ADPGK: variants seen among roughly 807,000 people sequenced by gnomAD.
ADPGK encodes ADP-dependent glucokinase.
A neutral mutation model predicts 42.4 loss-of-function variants in ADPGK; 26 were observed. That is an observed-to-expected ratio of 0.61 (90% confidence interval 0.45 to 0.85). The LOEUF is 0.85. ADPGK is among the 40% of genes least tolerant of loss of function. The pLI, the probability that ADPGK is intolerant of heterozygous loss-of-function variation, is 0.00. For synonymous variants in ADPGK, 267 were observed against 252.6 expected (o/e 1.06, Z -0.54); for missense variants, 571 against 627.0 (o/e 0.91, Z 0.95).
At position 72,752,525 on chromosome 15, in the gene ADPGK, T is replaced by G; in HGVS notation, c.1310A>C (p.His437Pro). 6.2e-7 allele frequency: 1 copy of G among 1,614,218 alleles called. No individual in the cohort carries two copies. Among genetic ancestry groups the G allele is most frequent in the Non-Finnish European group, 8.5e-7 (1 of 1,180,046 alleles). The change falls in exon 7 of 7, where the codon CAT (histidine) becomes CCT (proline). Residue 437 changes from histidine (H) to proline (P), a missense_variant. Physicochemically the swap from His to Pro is moderately conservative, Grantham distance 77. This residue lies in a region of ADPGK where 434 missense variants were observed against 522.7 expected (regional missense o/e 0.83). Transcript: ENST00000456471. ...LRAPQEFMTS[H>P]SEAGSRIVLN... ...TACAATCCTGGAGCCTGCCTCCGAA[T>G]GGGAAGTCATGAACTCTTGGGGTGC...
At chr15:72,763,561 C>A (rs2066222157) in intron 3 of ADPGK, among the ~76,000 whole-genome samples, 1 of 152,064 alleles carries the variant, frequency 6.6e-6, no homozygotes, top group African/African-American at 2.4e-5. Context: ...GATTATTTTT[C>A]TTATTATTTA....
At chr15:72,783,043 G>A (rs759833851) in intron 1 of ADPGK, 6 of 232,080 alleles carry the variant, frequency 2.6e-5, no homozygotes, top group Non-Finnish European at 3.6e-5. Flanking sequence ...TTTCGAAAGT[G>A]GGTAAAGGCA....
chr15:72,756,158 G>A (rs2066110818), intron 5 of ADPGK, 93 bp downstream of exon 5: 1 of 1,508,604 alleles, frequency 6.6e-7, no homozygotes, highest in Non-Finnish European at 9.2e-7. Flanking sequence ...TGGGAGGCCA[G>A]GACCTAAGAC....
chr15:72,780,713 G>A (rs2151096442), intron 1 of ADPGK, among the ~76,000 whole-genome samples: 1 of 152,304 alleles, frequency 6.6e-6, no homozygotes. Context: ...GACAGGTCAA[G>A]GCCACAGTGA....
Position 72,783,609 on chromosome 15 carries a change from G to C in ADPGK, c.83C>G (p.Pro28Arg). 1 of 1,516,420 alleles carries C rather than the reference G, an allele frequency of 6.6e-7. No homozygotes were observed. The highest frequency in any genetic ancestry group is 8.8e-7 in the Non-Finnish European group (1 of 1,140,206). 93.9% of individuals were successfully genotyped at this position (1,516,420 alleles called of 1,614,324 possible). A position where few individuals can be genotyped will look rare whatever the true frequency, so the allele number is the denominator to read the frequency against. The change falls in exon 1 of 7, where the codon CCA becomes CGA. Residue 28 changes from proline (P) to arginine (R), a missense_variant. Physicochemically the swap from Pro to Arg is moderately radical, Grantham distance 103. Coordinates refer to ENST00000456471, the MANE Select transcript of ADPGK (RefSeq NM_001365225.1). ...CCAGAGAGAGCGCAGCGCCGAGCCT[G>C]GCAGCTCTGGCTCCAGCAGGAAGAC... is the stretch of plus-strand genomic sequence containing the variant. ...GCVFLLEPEL[P>R]GSALRSLWSS...
In ADPGK at chr15:72,774,538, T is replaced by G. The variant is rs551332071; in HGVS notation, c.459+334A>C. Among the ~76,000 whole-genome samples, 6 of 152,282 alleles carry G rather than the reference T, an allele frequency of 3.9e-5. No individual in the cohort carries two copies. In the East Asian group the frequency reaches 1.2e-3, roughly 29 times the overall value. On this transcript the variant is annotated intron_variant, in intron 2 of 6. Coordinates refer to ENST00000456471, the MANE Select transcript of ADPGK (RefSeq NM_001365225.1). Reference sequence around the variant, plus strand: ...GTTCTAACTTCGACAGGTTCTACCTTGCAGACCAGTGGTTCTCAAAAGGAG... The same window carrying G: ...GTTCTAACTTCGACAGGTTCTACCTGGCAGACCAGTGGTTCTCAAAAGGAG...
chr15:72,781,596 TCCTCCCATCAAGGTTTGTTCTATGTCC>T lies in ADPGK; in HGVS notation c.233+1836_233+1862del, dbSNP rs1403989077. ...TCTTTTCACAATGTGACACTGATGC[TCCTCCCATCAAGGTTTGTTCTATGTCC>T]CCTCCCTTAAAACCAGGTGGACCTG... is the stretch of plus-strand genomic sequence containing the variant. On this transcript the variant is annotated intron_variant, in intron 1 of 6. Coordinates refer to ENST00000456471, the MANE Select transcript of ADPGK (RefSeq NM_001365225.1). Among the ~76,000 whole-genome samples, 6 of 152,274 alleles carry T rather than the reference TCCTCCCATCAAGGTTTGTTCTATGTCC, an allele frequency of 3.9e-5. No individual in the cohort carries two copies. In the East Asian group the frequency reaches 1.2e-3, roughly 29 times the overall value.
chr15:72,774,078 A>G (rs2066360121), intron 2 of ADPGK, among the ~76,000 whole-genome samples: 3 of 152,192 alleles, frequency 2.0e-5, no homozygotes, highest in Admixed American at 2.0e-4. Context: ...CCTGGGCTCA[A>G]GCAATCCACC....
At chr15:72,777,784 G>A (rs1459376740) in intron 1 of ADPGK, among the ~76,000 whole-genome samples, 1 of 152,060 alleles carries the variant, frequency 6.6e-6, no homozygotes, top group Non-Finnish European at 1.5e-5. Flanking sequence ...GGGGAAAGCT[G>A]TTCAGTATAT....
chr15:72,755,516 C>G, intron 6 of ADPGK, 40 bp downstream of exon 6: 1 of 1,506,210 alleles, frequency 6.6e-7, no homozygotes, highest in Non-Finnish European at 9.2e-7. Context: ...CTGCAAGGCT[C>G]TATGAGGATC....
At chr15:72,764,488 A>T (rs149262776) in intron 3 of ADPGK, among the ~76,000 whole-genome samples, 1 of 152,190 alleles carries the variant, frequency 6.6e-6, no homozygotes, top group African/African-American at 2.4e-5. Context: ...TGCAAAAGAA[A>T]AGTCAGAAGC....
At chr15:72,752,949 A>T in intron 6 of ADPGK, 54 bp from the exon 7 acceptor site, 1 of 1,515,996 alleles carries the variant, frequency 6.6e-7, no homozygotes, top group Middle Eastern at 2.1e-4. Context: ...GGCTCCTAAG[A>T]TGTCTTATGA....
intron 1 of ADPGK, among the ~76,000 whole-genome samples, chr15:72,780,807 T>A (rs897176490): frequency 6.6e-6 from 1 of 152,064 alleles, no homozygotes; most frequent in Non-Finnish European, 1.5e-5. Flanking sequence ...AAACAAGATA[T>A]CCAATATTAA....
chr15:72,752,410 T>G lies in ADPGK; in HGVS notation c.1425A>C (p.Arg475=). The G allele has an allele frequency of 6.2e-7, 1 of 1,614,220 alleles. No individual in the cohort carries two copies. The highest frequency in any genetic ancestry group is 1.3e-5 in the African/African-American group (1 of 75,048). ...AAATGGCATCTCCAAGGCCTACAGT[T>G]CGAATGGGGTCTTTACACACCAATA... is the stretch of plus-strand genomic sequence containing the variant. ...TPVLVCKDPI[R]TVGLGDAISA... Residue 475 remains arginine (R), a synonymous_variant, in exon 7 of 7, where the codon CGA becomes CGC. Transcript: ENST00000456471.
chr15:72,761,015 G>A (rs959327196), intron 3 of ADPGK, among the ~76,000 whole-genome samples: 1 of 152,118 alleles, frequency 6.6e-6, no homozygotes, highest in African/African-American at 2.4e-5. Context: ...TCCCCCCACC[G>A]CATGCACCAA....
chr15:72,770,567 A>G (rs1257989556), intron 3 of ADPGK, among the ~76,000 whole-genome samples: 1 of 152,158 alleles, frequency 6.6e-6, no homozygotes, highest in Non-Finnish European at 1.5e-5. Flanking sequence ...TCCACCCATT[A>G]GCTGGTAATA....
At chr15:72,767,972 T>C (rs910546406) in intron 3 of ADPGK, among the ~76,000 whole-genome samples, 95 of 151,672 alleles carry the variant, frequency 6.3e-4, no homozygotes, top group Non-Finnish European at 1.5e-4. Context: ...GAAAAATAAA[T>C]TCACCAAAAG....
At chr15:72,766,033 A>G (rs1217248568) in intron 3 of ADPGK, among the ~76,000 whole-genome samples, 1 of 152,334 alleles carries the variant, frequency 6.6e-6, no homozygotes, top group East Asian at 1.9e-4. Flanking sequence ...CCCAAGCTAG[A>G]GTGCAGTGGC....
chr15:72,754,107 AAAC>A (rs2066082000), intron 6 of ADPGK, among the ~76,000 whole-genome samples: 1 of 151,974 alleles, frequency 6.6e-6, no homozygotes, highest in African/African-American at 2.4e-5. Context: ...AAAAAAAAAA[AAAC>A]AAAACCAACG....
Sources: gnomAD v4.1 joint callset for allele counts (sites outside exome capture counted in the v4.1 genomes callset) on GRCh38, gnomAD v4.1.1 for gene constraint, gnomAD v4.1.1 regional missense constraint, MANE v1.5 for transcripts, NCBI Gene and HGNC (gene_info 2026-07-23, HGNC 2026-07-21) for gene names.